The following CGNL1 variants were observed in gnomAD, a reference collection of about 807,000 sequenced individuals.
The protein encoded by CGNL1 is cingulin like 1.
A neutral mutation model predicts 141.2 loss-of-function variants in CGNL1; 132 were observed. The observed-to-expected ratio is 0.93, with a 90% CI of 0.81 to 1.08. The LOEUF (loss-of-function observed/expected upper bound fraction) is 1.08. CGNL1 is among the 50% of genes least tolerant of loss of function. The pLI, the probability that CGNL1 is intolerant of heterozygous loss-of-function variation, is 0.00. For synonymous variants in CGNL1, 690 were observed against 622.1 expected, an observed-to-expected ratio of 1.11 and a Z score of -1.63; for missense variants, 1,870 against 1,588.6, an observed-to-expected ratio of 1.18 and a Z score of -3.01.
intron 7 of CGNL1, among the ~76,000 whole-genome samples, chr15:57,460,986 C>T (rs1332115505): frequency 6.6e-6 from 1 of 151,980 alleles, no homozygotes; most frequent in Non-Finnish European, 1.5e-5. Flanking sequence ...GCAAAGGTGT[C>T]TGTGAGGGCG....
chr15:57,494,884 A>G (rs1324866868), intron 8 of CGNL1, among the ~76,000 whole-genome samples: 1 of 152,210 alleles, frequency 6.6e-6, no homozygotes, highest in Admixed American at 6.5e-5. Context: ...TGCTTCATGT[A>G]TAATTCTAAC....
chr15:57,390,923 T>C (rs1412158618), intron 1 of CGNL1, among the ~76,000 whole-genome samples: 2 of 151,870 alleles, frequency 1.3e-5, no homozygotes, highest in Admixed American at 6.6e-5. Flanking sequence ...AGGACCACAG[T>C]GTTGAAGGAG....
At chr15:57,536,615 T>G (rs2032273284) in intron 14 of CGNL1, among the ~76,000 whole-genome samples, 2 of 152,208 alleles carry the variant, frequency 1.3e-5, no homozygotes. Flanking sequence ...GAAGTTGAAG[T>G]TGCTGGCGTT....
At chr15:57,467,235 C>G (rs1251171938) in intron 8 of CGNL1, among the ~76,000 whole-genome samples, 1 of 151,972 alleles carries the variant, frequency 6.6e-6, no homozygotes, top group African/African-American at 2.4e-5. Flanking sequence ...AGTAAATGAC[C>G]CAGGTGAAGT....
At chr15:57,501,909 G>A (rs1245393545) in intron 8 of CGNL1, among the ~76,000 whole-genome samples, 1 of 152,186 alleles carries the variant, frequency 6.6e-6, no homozygotes, top group Non-Finnish European at 1.5e-5. Flanking sequence ...GTGTCTGTGT[G>A]TCTAGAGGTG....
At chr15:57,495,438 T>C (rs1244100688) in intron 8 of CGNL1, among the ~76,000 whole-genome samples, 2 of 152,220 alleles carry the variant, frequency 1.3e-5, no homozygotes, top group Non-Finnish European at 2.9e-5. Flanking sequence ...TCATGGTTAT[T>C]ACCAGCTTGT....
At chr15:57,544,433 C>A in intron 15 of CGNL1, 40 bp from the exon 16 acceptor site, 1 of 1,612,886 alleles carries the variant, frequency 6.2e-7, no homozygotes, top group East Asian at 2.2e-5. Context: ...CAGAGCGTGG[C>A]AGACACATAG....
chr15:57,481,851 A>G (rs1424173316), intron 8 of CGNL1, among the ~76,000 whole-genome samples: 3 of 152,200 alleles, frequency 2.0e-5, no homozygotes, highest in African/African-American at 7.2e-5. Flanking sequence ...TACTCTCCAG[A>G]ATGGCTGCAC....
chr15:57,546,364 C>T (rs1348720447), intron 18 of CGNL1, 125 bp downstream of exon 18: 5 of 1,187,528 alleles, frequency 4.2e-6, no homozygotes, highest in African/African-American at 1.5e-5. Flanking sequence ...TTGGGGTTAT[C>T]GTATCTTAGA....
intron 8 of CGNL1, among the ~76,000 whole-genome samples, chr15:57,462,613 G>C (rs1315283010): frequency 1.3e-5 from 2 of 152,100 alleles, no homozygotes; most frequent in African/African-American, 4.8e-5. Flanking sequence ...GCAATATATA[G>C]GTTAAAAATG....
chr15:57,490,050 G>A (rs570303855), intron 8 of CGNL1, among the ~76,000 whole-genome samples: 21 of 152,154 alleles, frequency 1.4e-4, no homozygotes, highest in Middle Eastern at 3.4e-3. Context: ...GAGAGATTTC[G>A]TGACAGACAC....
chr15:57,400,588 A>G (rs1480595591), intron 1 of CGNL1, among the ~76,000 whole-genome samples: 1 of 152,076 alleles, frequency 6.6e-6, no homozygotes, highest in Non-Finnish European at 1.5e-5. Context: ...TATTGTAAAA[A>G]CAATACATGT....
At chr15:57,479,445 C>T (rs373381147) in intron 8 of CGNL1, among the ~76,000 whole-genome samples, 4 of 152,178 alleles carry the variant, frequency 2.6e-5, no homozygotes, top group South Asian at 2.1e-4. Flanking sequence ...GGGCAGATCT[C>T]CTGAGGTCAG....
intron 8 of CGNL1, among the ~76,000 whole-genome samples, chr15:57,473,352 T>C (rs1377294333): frequency 6.6e-6 from 1 of 152,210 alleles, no homozygotes; most frequent in Non-Finnish European, 1.5e-5. Context: ...TATGATTTGA[T>C]CACTTTAAGC....
intron 8 of CGNL1, among the ~76,000 whole-genome samples, chr15:57,505,192 TAA>T (rs2064084820): frequency 6.6e-6 from 1 of 152,222 alleles, no homozygotes; most frequent in Non-Finnish European, 1.5e-5. Context: ...TTATGCTCTG[TAA>T]CTTCTGGGTG....
chr15:57,507,703 C>T (rs1261933090), intron 8 of CGNL1, among the ~76,000 whole-genome samples: 1 of 152,174 alleles, frequency 6.6e-6, no homozygotes, highest in African/African-American at 2.4e-5. Flanking sequence ...CCTCTGGATG[C>T]TGTGGCAGGG....
At chr15:57,424,621 C>G (rs1296860564) in intron 1 of CGNL1, among the ~76,000 whole-genome samples, 1 of 152,064 alleles carries the variant, frequency 6.6e-6, no homozygotes, top group Non-Finnish European at 1.5e-5. Flanking sequence ...GTTTGGGTAT[C>G]GGGTTATATT....
chr15:57,530,398 G>C (rs2031882339), intron 13 of CGNL1, among the ~76,000 whole-genome samples: 2 of 152,316 alleles, frequency 1.3e-5, no homozygotes, highest in Admixed American at 1.3e-4. Context: ...TGCGCTTGAG[G>C]GGTGTTTCGT....
At chr15:57,467,298 G>A (rs1417498501) in intron 8 of CGNL1, among the ~76,000 whole-genome samples, 1 of 152,168 alleles carries the variant, frequency 6.6e-6, no homozygotes, top group Non-Finnish European at 1.5e-5. Flanking sequence ...CTGTGCTTAG[G>A]AGGAGGACTG....
Sources: gnomAD v4.1 joint callset for allele counts (sites outside exome capture counted in the v4.1 genomes callset) on GRCh38, gnomAD v4.1.1 for gene constraint, MANE v1.5 for transcripts, NCBI Gene and HGNC (gene_info 2026-07-23, HGNC 2026-07-21) for gene names.